The following CHIA variants were observed in gnomAD, a reference collection of about 807,000 sequenced individuals.
The protein encoded by CHIA is acidic mammalian chitinase.
In CHIA, 47 loss-of-function variants were observed where a neutral mutation model predicts 53.5. The observed-to-expected ratio is 0.88, with a 90% CI of 0.70 to 1.12. The LOEUF (loss-of-function observed/expected upper bound fraction) is 1.12. CHIA is among the 50% of genes most tolerant of loss of function. The pLI, the probability that CHIA is intolerant of heterozygous loss-of-function variation, is 0.00. For missense variants in CHIA, 652 were observed against 592.2 expected (o/e 1.10, Z -1.05); for synonymous variants, 268 against 222.2 (o/e 1.21, Z -1.83).
At chr1:111,301,655 TAGTGCCACTGCACTCCAGCAGCCTGGG>T (rs1479974202) in intron 1 of CHIA, among the ~76,000 whole-genome samples, 1 of 142,092 alleles carries the variant, frequency 7.0e-6, no homozygotes, top group African/African-American at 2.7e-5. Flanking sequence ...TGAGCCGAGA[TAGTGCCACTGCACTCCAGCAGCCTGGG>T]CAACAAAGCA....
At chr1:111,317,631 G>C in intron 6 of CHIA, 50 bp from the exon 7 acceptor site, 1 of 1,599,658 alleles carries the variant, frequency 6.3e-7, no homozygotes, top group Non-Finnish European at 8.6e-7. Context: ...ATTATTTAAG[G>C]AGCTAAAATC....
At chr1:111,294,153 G>T (rs968239246) in intron 1 of CHIA, among the ~76,000 whole-genome samples, 17 of 152,120 alleles carry the variant, frequency 1.1e-4, no homozygotes, top group African/African-American at 3.9e-4. Context: ...TACATCATTT[G>T]GGTAGTATAG....
At chr1:111,308,232 A>T (rs953297353) in intron 1 of CHIA, among the ~76,000 whole-genome samples, 4 of 152,334 alleles carry the variant, frequency 2.6e-5, no homozygotes, top group Admixed American at 2.0e-4. Flanking sequence ...AATAGAAAAT[A>T]CCTCACTAGC....
intron 1 of CHIA, among the ~76,000 whole-genome samples, chr1:111,297,076 GA>G (rs1557732184): frequency 6.6e-6 from 1 of 152,206 alleles, no homozygotes; most frequent in African/African-American, 2.4e-5. Context: ...GGGACCATGT[GA>G]AAAGACCAAA....
intron 4 of CHIA, among the ~76,000 whole-genome samples, chr1:111,312,944 C>T (rs888062508): frequency 1.1e-4 from 17 of 152,144 alleles, no homozygotes; most frequent in Non-Finnish European, 2.5e-4. Flanking sequence ...AACATAATAT[C>T]CTCCAGGTTT....
chr1:111,308,543 G>A (rs1571284372), intron 1 of CHIA, among the ~76,000 whole-genome samples: 1 of 152,118 alleles, frequency 6.6e-6, no homozygotes, highest in Non-Finnish European at 1.5e-5. Context: ...GCCCTCTGAT[G>A]ATAGTCATTT....
At chr1:111,294,618 G>T (rs900896977) in intron 1 of CHIA, among the ~76,000 whole-genome samples, 4 of 152,132 alleles carry the variant, frequency 2.6e-5, no homozygotes, top group Admixed American at 6.5e-5. Context: ...TTATCTTGTT[G>T]CTGATCTTAG....
At chr1:111,292,264 C>T (rs1661069324) in intron 1 of CHIA, among the ~76,000 whole-genome samples, 1 of 152,190 alleles carries the variant, frequency 6.6e-6, no homozygotes, top group African/African-American at 2.4e-5. Context: ...CTAGTATTAT[C>T]CATATGTAAT....
intron 6 of CHIA, chr1:111,316,578 G>A (rs913616437): frequency 2.6e-5 from 4 of 152,176 alleles, no homozygotes; most frequent in Non-Finnish European, 5.9e-5. Context: ...AACTAAGATG[G>A]TAAATACAGG....
chr1:111,310,463 CA>C lies in CHIA; in HGVS notation c.-3del. On this transcript the variant is annotated 5_prime_UTR_variant, in exon 2 of 12. Transcript: ENST00000369740. Reference sequence around the variant, plus strand: ...AGCTCTGCGGGACTGGTGCTGACTGCAACCATGACAAAGCTTATTCTCCTCA... The same window carrying C: ...AGCTCTGCGGGACTGGTGCTGACTGCACCATGACAAAGCTTATTCTCCTCA... The C allele has an allele frequency of 6.2e-7, 1 of 1,614,168 alleles. No individual in the cohort carries two copies.
At chr1:111,306,330 G>A (rs746569839) in intron 1 of CHIA, among the ~76,000 whole-genome samples, 32 of 152,154 alleles carry the variant, frequency 2.1e-4, no homozygotes, top group Non-Finnish European at 7.4e-5. Context: ...CTGAGGAGTG[G>A]TAGAAATGGC....
chr1:111,297,904 A>AAAAAG (rs1647320989), intron 1 of CHIA, among the ~76,000 whole-genome samples: 1 of 122,032 alleles, frequency 8.2e-6, no homozygotes, highest in Non-Finnish European at 1.8e-5. Context: ...TGGAAAGCAA[A>AAAAAG]AAAAAAAAAA....
intron 1 of CHIA, among the ~76,000 whole-genome samples, chr1:111,306,162 C>G: frequency 6.6e-6 from 1 of 152,114 alleles, no homozygotes; most frequent in Non-Finnish European, 1.5e-5. Context: ...CAATGTTATT[C>G]CATGTAATTC....
Position 111,320,517 on chromosome 1 carries a change from A to G in CHIA, c.*51A>G. 2 of 1,546,348 alleles carry G rather than the reference A, an allele frequency of 1.3e-6. No homozygotes were observed. Among genetic ancestry groups the G allele is most frequent in the Non-Finnish European group, 1.8e-6 (2 of 1,124,384 alleles). Reference sequence around the variant, plus strand: ...AGTTCCAGTCTCTTTTGCTTAGGACATGTTGCCCCTACCTAAAGTCCTGCA... The same window carrying G: ...AGTTCCAGTCTCTTTTGCTTAGGACGTGTTGCCCCTACCTAAAGTCCTGCA... On this transcript the variant is annotated 3_prime_UTR_variant, in exon 12 of 12. Transcript: ENST00000369740.
chr1:111,312,119 A>C (rs41282490), intron 3 of CHIA, 71 bp from the exon 4 acceptor site: 1 of 1,270,496 alleles, frequency 7.9e-7, no homozygotes. Flanking sequence ...AACAGAGGCA[A>C]GGCCAAAACT....
intron 1 of CHIA, among the ~76,000 whole-genome samples, chr1:111,309,066 C>T (rs1648455918): frequency 6.6e-6 from 1 of 152,140 alleles, no homozygotes; most frequent in African/African-American, 2.4e-5. Flanking sequence ...AAATAGCTAA[C>T]GCATGCTGGG....
In CHIA at chr1:111,310,403, C is replaced by G. The variant is rs193167990; in HGVS notation, c.-65C>G. On this transcript the variant is annotated 5_prime_UTR_variant, in exon 2 of 12. Transcript: ENST00000369740. ...GGTCAAATTGTTCTCTATTTAGAAG[C>G]CTTTGTGATAACCACAGAATCAGAA... 8.2e-5 allele frequency: 132 copies of G among 1,608,848 alleles called. 1 individual carries two copies. The East Asian group carries it at 2.5e-3, about 30-fold the overall frequency.
chr1:111,305,985 T>C (rs1648152687), intron 1 of CHIA, among the ~76,000 whole-genome samples: 2 of 152,208 alleles, frequency 1.3e-5, no homozygotes, highest in Non-Finnish European at 2.9e-5. Context: ...GTACCATCTA[T>C]AACAGAGACA....
At chr1:111,309,425 A>G (rs1264780571) in intron 1 of CHIA, among the ~76,000 whole-genome samples, 2 of 152,246 alleles carry the variant, frequency 1.3e-5, no homozygotes, top group East Asian at 3.8e-4. Flanking sequence ...TATAAGCAAT[A>G]CAGAAAATAT....
Sources: gnomAD v4.1 joint callset for allele counts (sites outside exome capture counted in the v4.1 genomes callset) on GRCh38, gnomAD v4.1.1 for gene constraint, MANE v1.5 for transcripts, NCBI Gene and HGNC (gene_info 2026-07-23, HGNC 2026-07-21) for gene names.